Variants in PANX3 observed in about 807,000 individuals in gnomAD.
PANX3 encodes pannexin-3.
A neutral mutation model predicts 31.5 loss-of-function variants in PANX3; 18 were observed. The ratio of observed to expected loss-of-function variants is 0.57; its 90% CI spans 0.39 to 0.85. The LOEUF (loss-of-function observed/expected upper bound fraction) is 0.85. Among genes scored for constraint, PANX3 ranks in the 40% least tolerant of loss-of-function variants. The pLI, the probability that PANX3 is intolerant of heterozygous loss-of-function variation, is 0.00. For missense variants in PANX3, 426 were observed against 485.4 expected (o/e 0.88, Z 1.15); for synonymous variants, 194 against 201.6 (o/e 0.96, Z 0.32).
intron 3 of PANX3, among the ~76,000 whole-genome samples, chr11:124,618,307 T>C (rs1407617287): frequency 6.6e-6 from 1 of 152,228 alleles, no homozygotes; most frequent in Non-Finnish European, 1.5e-5. Context: ...CTCTATCTTT[T>C]GAAGCCCAGA....
chr11:124,618,519 T>G (rs917801794), intron 3 of PANX3, among the ~76,000 whole-genome samples: 2 of 151,846 alleles, frequency 1.3e-5, no homozygotes, highest in African/African-American at 4.9e-5. Flanking sequence ...CAAACTGGCT[T>G]ACATGTACCT....
At position 124,616,458 on chromosome 11, in the gene PANX3, C is replaced by T. The variant is rs2134312060; in HGVS notation, c.325-816C>T. Among the ~76,000 whole-genome samples the T allele has an allele frequency of 6.6e-6, 1 of 152,278 alleles. No individual in the cohort carries two copies. The highest frequency in any genetic ancestry group is 1.9e-4 in the East Asian group (1 of 5,192). ...GACCTCATTTTGAATTAACTAGTTG[C>T]ATCCACAACAACCCCATTTCCAAAT... is the stretch of plus-strand genomic sequence containing the variant. On this transcript the variant is annotated intron_variant, in intron 2 of 3. Coordinates refer to ENST00000284288, the MANE Select transcript of PANX3 (RefSeq NM_052959.3). This position sits in a 1 kb window ranked among gnomAD's most constrained non-coding sequence, Gnocchi z 4.8.
intron 1 of PANX3, 84 bp downstream of exon 1, chr11:124,611,821 C>T (rs1230029495): frequency 2.9e-5 from 41 of 1,419,120 alleles, no homozygotes; most frequent in Non-Finnish European, 3.8e-5. Context: ...AGATGGTGCG[C>T]ACAGTGACGG....
rs1863158907 is a variant in PANX3, at chr11:124,616,928, C to T, written c.325-346C>T. Among the ~76,000 whole-genome samples, 1 of 151,762 alleles carries T rather than the reference C, an allele frequency of 6.6e-6. No homozygotes were observed. The highest frequency in any genetic ancestry group is 2.4e-5 in the African/African-American group (1 of 41,276). On this transcript the variant is annotated intron_variant, in intron 2 of 3. Transcript: ENST00000284288. This position sits in a 1 kb window ranked among gnomAD's most constrained non-coding sequence, Gnocchi z 4.8. ...CTATATATCCCTCTCCTGTCCTCCC[C>T]TCCCCTCCCTTCCCCTCTCCTTCCC...
chr11:124,615,617 T>A (rs142391915), intron 2 of PANX3, among the ~76,000 whole-genome samples: 4 of 152,308 alleles, frequency 2.6e-5, no homozygotes, highest in Non-Finnish European at 4.4e-5. Flanking sequence ...GGTTTCCTTA[T>A]CTGTAAAATA....
At chr11:124,619,072 A>C (rs1863184372) in intron 3 of PANX3, among the ~76,000 whole-genome samples, 1 of 152,186 alleles carries the variant, frequency 6.6e-6, no homozygotes. Flanking sequence ...TTACTCACTG[A>C]TCATTCACTG....
rs759501849 is a variant in PANX3 at position 124,617,304 on chromosome 11, T to TTGCTCA, written c.358_363dup (p.Leu120_Met121dup). Reference sequence around the variant, plus strand: ...CCCCTACTCCCTGCTGGCCCTGGCCTTGCTCATGTACCTGCCGGTGCTGCT... The same window carrying TTGCTCA: ...CCCCTACTCCCTGCTGGCCCTGGCCTTGCTCATGCTCATGTACCTGCCGGTGCTGCT... On this transcript the variant is annotated inframe_insertion, in exon 3 of 4. Transcript: ENST00000284288. The TTGCTCA allele has an allele frequency of 2.9e-5, 46 of 1,609,046 alleles. No individual in the cohort carries two copies. In the African/African-American group the frequency reaches 6.0e-4, roughly 21 times the overall value.
chr11:124,620,185 G>A lies in PANX3; in HGVS notation c.*250G>A, dbSNP rs1263054331. The A allele has an allele frequency of 4.4e-6, 2 of 449,856 alleles. No homozygotes were observed. Among genetic ancestry groups the A allele is most frequent in the African/African-American group, 2.0e-5 (1 of 49,842 alleles). The allele number at this position is 449,856 out of a possible 1,614,324, so 27.9% of individuals were successfully genotyped here. On this transcript the variant is annotated 3_prime_UTR_variant, in exon 4 of 4. Transcript: ENST00000284288. ...AAATTAAGTCTAGAACATTCTATGA[G>A]GATAGTATAAATAAAAAGAAATACA... is the stretch of plus-strand genomic sequence containing the variant.
Position 124,613,110 on chromosome 11 carries a change from C to G in PANX3, c.312C>G (p.Leu104=). ...CTGGCCAGGACAAAATGAAATCTCT[C>G]TGGCCCCACAAGGTAAAGCAAACTC... ...DGPGQDKMKS[L]WPHKALPYSL... Residue 104 remains leucine, a synonymous_variant, in exon 2 of 4, where the codon CTC becomes CTG. Coordinates refer to ENST00000284288, the MANE Select transcript of PANX3 (RefSeq NM_052959.3). 6.2e-7 allele frequency: 1 copy of G among 1,613,650 alleles called. No homozygotes were observed. Among genetic ancestry groups the G allele is most frequent in the Non-Finnish European group, 8.5e-7 (1 of 1,179,968 alleles).
intron 3 of PANX3, among the ~76,000 whole-genome samples, chr11:124,617,768 A>C (rs1332295137): frequency 6.6e-6 from 1 of 152,212 alleles, no homozygotes; most frequent in Non-Finnish European, 1.5e-5. Context: ...AGCTCCCTTC[A>C]TGCCTACCAA....
chr11:124,615,521 A>G (rs907070578), intron 2 of PANX3, among the ~76,000 whole-genome samples: 2 of 152,204 alleles, frequency 1.3e-5, no homozygotes, highest in Admixed American at 1.3e-4. Context: ...AAGCTCCAGA[A>G]TCAGACAGCC....
In PANX3 at chr11:124,616,011, C is replaced by G. The variant is rs1011857159; in HGVS notation, c.325-1263C>G. 4.6e-5 allele frequency among the ~76,000 whole-genome samples: 7 copies of G among 151,830 alleles called. No homozygotes were observed. Among genetic ancestry groups the G allele is most frequent in the African/African-American group, 1.2e-4 (5 of 41,210 alleles). On this transcript the variant is annotated intron_variant, in intron 2 of 3. Transcript: ENST00000284288. This position sits in a 1 kb window ranked among gnomAD's most constrained non-coding sequence, Gnocchi z 4.8. ...CCTGGGCAAGAGAGCGAGACTCAAT[C>G]TCAATAAATAAATAAATAAATAAAT... is the stretch of plus-strand genomic sequence containing the variant.
rs545884098 is a variant in PANX3 at position 124,611,435 on chromosome 11, T to C, written c.-122T>C. On this transcript the variant is annotated 5_prime_UTR_variant, in exon 1 of 4. Transcript: ENST00000284288. ...CCATCGCCTGCTCCCAGCAGAGATA[T>C]CCATAAGGCTGGGGTGGCAGGCACT... is the stretch of plus-strand genomic sequence containing the variant. 2.6e-5 allele frequency: 22 copies of C among 833,666 alleles called. No individual in the cohort carries two copies. The African/African-American group carries it at 3.3e-4, about 12-fold the overall frequency. The allele number at this position is 833,666 out of a possible 1,614,324, so 51.6% of individuals were successfully genotyped here.
chr11:124,620,176 A>G lies in PANX3; in HGVS notation c.*241A>G, dbSNP rs541056345. 2 of 502,656 alleles carry G rather than the reference A, an allele frequency of 4.0e-6. No homozygotes were observed. Among genetic ancestry groups the G allele is most frequent in the Non-Finnish European group, 6.9e-6 (2 of 288,834 alleles). 31.1% of individuals were successfully genotyped at this position (502,656 alleles called of 1,614,324 possible). ...AGAGCTAAAAAATTAAGTCTAGAAC[A>G]TTCTATGAGGATAGTATAAATAAAA... On this transcript the variant is annotated 3_prime_UTR_variant, in exon 4 of 4. Transcript: ENST00000284288.
chr11:124,618,232 C>T (rs1014059247), intron 3 of PANX3, among the ~76,000 whole-genome samples: 5 of 152,114 alleles, frequency 3.3e-5, no homozygotes, highest in Non-Finnish European at 4.4e-5. Context: ...GAGACAATTG[C>T]GCTAACATTT....
chr11:124,611,676 C>T lies in PANX3; in HGVS notation c.120C>T (p.Phe40=), dbSNP rs540194112. Residue 40 remains phenylalanine (F), a synonymous_variant, in exon 1 of 4, where the codon TTC becomes TTT. Transcript: ENST00000284288. ...TGCCCCTGGACCGGATAGTCAAGTT[C>T]GTAGCTGTGGGCTCCCCCTTGTTGC... ...LELPLDRIVK[F]VAVGSPLLLM... 3.7e-6 allele frequency: 6 copies of T among 1,614,034 alleles called. No individual in the cohort carries two copies. The highest frequency in any genetic ancestry group is 2.7e-5 in the African/African-American group (2 of 74,928).
intron 2 of PANX3, among the ~76,000 whole-genome samples, chr11:124,616,000 C>T (rs566842128): frequency 1.4e-4 from 21 of 151,824 alleles, no homozygotes; most frequent in African/African-American, 3.9e-4. Context: ...GGCAAGAGAG[C>T]GAGACTCAAT....
chr11:124,617,494 T>A lies in PANX3; in HGVS notation c.539+6T>A. On this transcript the variant is annotated splice_donor_region_variant and intron_variant, in intron 3 of 3. Transcript: ENST00000284288. ...TTCTGGAATGAGCTGGAGAAGTGAGTTGTCTCTTCCACCTTTTTCTGAGAA... is the reference window on the plus strand; with the variant it reads ...TTCTGGAATGAGCTGGAGAAGTGAGATGTCTCTTCCACCTTTTTCTGAGAA... The A allele has an allele frequency of 6.2e-7, 1 of 1,613,132 alleles. No homozygotes were observed. Among genetic ancestry groups the A allele is most frequent in the Non-Finnish European group, 8.5e-7 (1 of 1,179,152 alleles).
At position 124,616,523 on chromosome 11, in the gene PANX3, G is replaced by A. The variant is rs138674130; in HGVS notation, c.325-751G>A. 6.6e-6 allele frequency among the ~76,000 whole-genome samples: 1 copy of A among 152,274 alleles called. No individual in the cohort carries two copies. The highest frequency in any genetic ancestry group is 1.9e-4 in the East Asian group (1 of 5,188). ...AGGTACTGAGAATTAGGACTTCAAG[G>A]TATGAATGGAGGGAGGTGGACATGG... On this transcript the variant is annotated intron_variant, in intron 2 of 3. Transcript: ENST00000284288. The surrounding 1 kb of genome is among the most constrained non-coding windows in gnomAD (Gnocchi z 4.8).
Sources: allele counts gnomAD v4.1 joint callset (sites outside exome capture counted in the v4.1 genomes callset), GRCh38; gene constraint gnomAD v4.1.1; non-coding constraint Gnocchi (gnomAD v3.1); transcripts MANE v1.5; gene names NCBI Gene and HGNC (gene_info 2026-07-23, HGNC 2026-07-21).